B3GALT1: variants seen among roughly 807,000 people sequenced by gnomAD.
B3GALT1 encodes the protein beta-1,3-galactosyltransferase 1.
Under a neutral mutation model 23.2 loss-of-function variants are expected in B3GALT1, and 10 were observed. The observed-to-expected ratio is 0.43, with a 90% CI of 0.27 to 0.73. The LOEUF is 0.73. Ranked by LOEUF, B3GALT1 falls within the 30% of genes least tolerant of loss-of-function variation. The probability of loss-of-function intolerance (pLI) is 0.21; values close to 1 mark genes in which losing one functional copy is unlikely to be tolerated. For missense variants in B3GALT1, 299 were observed against 405.4 expected, an observed-to-expected ratio of 0.74 and a Z score of 2.25; for synonymous variants, 156 against 141.5, an observed-to-expected ratio of 1.10 and a Z score of -0.73.
intron 4 of B3GALT1, among the ~76,000 whole-genome samples, chr2:167,833,396 A>C (rs1689390893): frequency 6.6e-6 from 1 of 152,188 alleles, no homozygotes; most frequent in South Asian, 2.1e-4. Context: ...TAACAAAAAC[A>C]AAAATAGAGG....
chr2:167,695,990 A>G (rs1686786271), intron 3 of B3GALT1, among the ~76,000 whole-genome samples: 1 of 152,090 alleles, frequency 6.6e-6, no homozygotes, highest in African/African-American at 2.4e-5. Context: ...GTCATATTTC[A>G]CTGGCTAGAA....
chr2:167,558,217 A>G (rs1683889704), intron 2 of B3GALT1: 1 of 152,230 alleles, frequency 6.6e-6, no homozygotes, highest in African/African-American at 2.4e-5. Flanking sequence ...CTAATTTTGA[A>G]AACAGATCAT....
At chr2:167,760,051 A>G (rs766403664) in intron 3 of B3GALT1, among the ~76,000 whole-genome samples, 16 of 152,168 alleles carry the variant, frequency 1.1e-4, no homozygotes, top group Non-Finnish European at 2.2e-4. Context: ...TCTCAACCCA[A>G]GGTACTAGTT....
chr2:167,809,857 G>A (rs1688841776), intron 3 of B3GALT1, among the ~76,000 whole-genome samples: 1 of 152,048 alleles, frequency 6.6e-6, no homozygotes, highest in Admixed American at 6.5e-5. Flanking sequence ...GCTGCCTTTT[G>A]TTTGGCTATG....
At chr2:167,814,642 C>T (rs1209242846) in intron 3 of B3GALT1, 1 of 152,262 alleles carries the variant, frequency 6.6e-6, no homozygotes, top group Admixed American at 6.5e-5. Flanking sequence ...CCTGTAGTCT[C>T]ACCTATTCGG....
intron 1 of B3GALT1, among the ~76,000 whole-genome samples, chr2:167,431,105 G>T (rs1351765002): frequency 6.6e-6 from 1 of 152,278 alleles, no homozygotes; most frequent in Non-Finnish European, 1.5e-5. Flanking sequence ...AGCCAATTGA[G>T]TGGATAGTAC....
At chr2:167,361,492 C>T (rs980100470) in intron 1 of B3GALT1, among the ~76,000 whole-genome samples, 3 of 152,154 alleles carry the variant, frequency 2.0e-5, no homozygotes, top group African/African-American at 7.2e-5. Context: ...CCATAAGATG[C>T]AAACAAAACA....
Position 167,809,011 on chromosome 2 carries a change from CT to C in B3GALT1, c.-351-9659del, listed in dbSNP as rs541053948. Among the ~76,000 whole-genome samples, 634 of 152,288 alleles carry C rather than the reference CT, an allele frequency of 4.2e-3. 6 individuals are homozygous for C. Among genetic ancestry groups the C allele is most frequent in the African/African-American group, 0.014 (596 of 41,556 alleles). On this transcript the variant is annotated intron_variant, in intron 3 of 4. Transcript: ENST00000392690. ...TTTATTCTTTTTTCTCTAAACTTCTCTTCTTGCTTCATTTCATTCATTTCGT... is the reference window on the plus strand; with the variant it reads ...TTTATTCTTTTTTCTCTAAACTTCTCTCTTGCTTCATTTCATTCATTTCGT...
intron 1 of B3GALT1, among the ~76,000 whole-genome samples, chr2:167,328,815 TTTTTA>T (rs1266672835): frequency 5.3e-5 from 8 of 152,126 alleles, no homozygotes; most frequent in African/African-American, 7.2e-5. Flanking sequence ...TTTTCTACTT[TTTTTA>T]TTTTATTTTT....
Position 167,869,548 on chromosome 2 carries a change from C to T in B3GALT1, c.509C>T (p.Ala170Val), listed in dbSNP as rs776638733. The change falls in exon 5 of 5, where the codon GCC becomes GTC. Residue 170 changes from alanine (A) to valine (V), a missense_variant. This residue lies in a region of B3GALT1 where 133 missense variants were observed against 204.8 expected (regional missense o/e 0.65). Transcript: ENST00000392690. This position sits in a 1 kb window ranked among gnomAD's most constrained non-coding sequence, Gnocchi z 6.4. ...MRWVATFCSK[A>V]KYVMKTDSDI... ...TGGGTGGCCACTTTTTGTTCAAAAGCCAAGTATGTCATGAAAACAGACAGC... is the reference window on the plus strand; with the variant it reads ...TGGGTGGCCACTTTTTGTTCAAAAGTCAAGTATGTCATGAAAACAGACAGC... The T allele has an allele frequency of 6.2e-7, 1 of 1,614,024 alleles. No homozygotes were observed. Among genetic ancestry groups the T allele is most frequent in the South Asian group, 1.1e-5 (1 of 91,064 alleles).
chr2:167,863,089 G>A (rs1690136306), intron 4 of B3GALT1, among the ~76,000 whole-genome samples: 1 of 152,114 alleles, frequency 6.6e-6, no homozygotes, highest in African/African-American at 2.4e-5. Context: ...ACACTAACTG[G>A]TCTGTTAAAA....
intron 2 of B3GALT1, among the ~76,000 whole-genome samples, chr2:167,509,427 T>C (rs1318110814): frequency 6.6e-6 from 1 of 152,066 alleles, no homozygotes; most frequent in Non-Finnish European, 1.5e-5. Context: ...AGACTATATA[T>C]ATACATATGT....
intron 3 of B3GALT1, among the ~76,000 whole-genome samples, chr2:167,719,548 G>T (rs923298461): frequency 3.9e-5 from 6 of 152,134 alleles, no homozygotes; most frequent in Non-Finnish European, 7.4e-5. Flanking sequence ...ACCTGCAGAG[G>T]AAAAGCTTGT....
chr2:167,654,676 T>G (rs928872294), intron 3 of B3GALT1, among the ~76,000 whole-genome samples: 4 of 151,984 alleles, frequency 2.6e-5, no homozygotes, highest in Non-Finnish European at 5.9e-5. Context: ...AAAATTTTTT[T>G]GTAGAGACAG....
At chr2:167,352,672 G>A (rs1304102295) in intron 1 of B3GALT1, among the ~76,000 whole-genome samples, 2 of 151,610 alleles carry the variant, frequency 1.3e-5, no homozygotes, top group Admixed American at 6.6e-5. Flanking sequence ...AGTGAGCCAA[G>A]ATCACGCCAC....
intron 3 of B3GALT1, among the ~76,000 whole-genome samples, chr2:167,772,703 C>T (rs899953526): frequency 1.3e-5 from 2 of 152,170 alleles, no homozygotes; most frequent in Non-Finnish European, 2.9e-5. Context: ...AAAGGTCACT[C>T]TAGTTTTATG....
At chr2:167,767,546 C>G (rs1397660745) in intron 3 of B3GALT1, among the ~76,000 whole-genome samples, 1 of 152,064 alleles carries the variant, frequency 6.6e-6, no homozygotes, top group Non-Finnish European at 1.5e-5. Context: ...CATGTTATAA[C>G]AAGTTAGTAC....
At chr2:167,424,092 G>A (rs1217282741) in intron 1 of B3GALT1, among the ~76,000 whole-genome samples, 1 of 152,046 alleles carries the variant, frequency 6.6e-6, no homozygotes, top group Non-Finnish European at 1.5e-5. Context: ...CAGATTCAAC[G>A]TCTCTAATCA....
At chr2:167,730,857 T>C (rs947647300) in intron 3 of B3GALT1, among the ~76,000 whole-genome samples, 2 of 152,330 alleles carry the variant, frequency 1.3e-5, no homozygotes, top group African/African-American at 4.8e-5. Context: ...CTTTTAAAGA[T>C]ATTTATAATT....
Sources: gnomAD v4.1 joint callset for allele counts (sites outside exome capture counted in the v4.1 genomes callset) on GRCh38, gnomAD v4.1.1 for gene constraint, gnomAD v4.1.1 regional missense constraint, Gnocchi (gnomAD v3.1) non-coding constraint, MANE v1.5 for transcripts, NCBI Gene and HGNC (gene_info 2026-07-23, HGNC 2026-07-21) for gene names.